Variants in PDE12 observed in about 807,000 individuals in gnomAD.
PDE12 encodes the protein 2',5'-phosphodiesterase 12.
Under a neutral mutation model 45.4 loss-of-function variants are expected in PDE12, and 26 were observed. That is an observed-to-expected ratio of 0.57 (90% CI 0.42 to 0.79). The LOEUF (loss-of-function observed/expected upper bound fraction) is 0.79. PDE12 is among the 30% of genes least tolerant of loss of function. PDE12 has a pLI of 0.00. For missense variants in PDE12, 668 were observed against 790.0 expected, an observed-to-expected ratio of 0.85 and a Z score of 1.85; for synonymous variants, 283 against 323.9, an observed-to-expected ratio of 0.87 and a Z score of 1.36.
the PDE12 span, among the ~76,000 whole-genome samples, chr3:57,643,234 T>C: frequency 6.6e-6 from 1 of 151,944 alleles, no homozygotes; most frequent in Non-Finnish European, 1.5e-5. Flanking sequence ...AAAGGAGAAA[T>C]TTATGACAAG....
At chr3:57,577,604 A>G in the PDE12 span, among the ~76,000 whole-genome samples, 6 of 152,220 alleles carry the variant, frequency 3.9e-5, no homozygotes, top group Admixed American at 3.3e-4. Context: ...TTTATTCTTC[A>G]CCAATTAATT....
chr3:57,578,676 C>T, the PDE12 span, among the ~76,000 whole-genome samples: 2 of 152,156 alleles, frequency 1.3e-5, no homozygotes, highest in African/African-American at 4.8e-5. Context: ...GATGGGGTTT[C>T]ACCACGTTGC....
chr3:57,651,223 G>C, the PDE12 span, among the ~76,000 whole-genome samples: 7 of 152,170 alleles, frequency 4.6e-5, no homozygotes. Context: ...ACATATGACA[G>C]ACTTACCTCC....
At chr3:57,616,428 C>G in the PDE12 span, among the ~76,000 whole-genome samples, 1 of 141,382 alleles carries the variant, frequency 7.1e-6, no homozygotes. Flanking sequence ...GAGGGAGGAG[C>G]AGGAGGAAGA....
chr3:57,618,979 TTAAA>T, the PDE12 span, among the ~76,000 whole-genome samples: 6 of 152,342 alleles, frequency 3.9e-5, no homozygotes, highest in East Asian at 1.2e-3. Flanking sequence ...ATTTAACGAA[TTAAA>T]TAATTTGATA....
downstream of PDE12, among the ~76,000 whole-genome samples, chr3:57,569,709 G>A (rs1178927743): frequency 6.6e-6 from 1 of 151,036 alleles, no homozygotes; most frequent in Non-Finnish European, 1.5e-5. Flanking sequence ...GCTCATGCCT[G>A]TAGTACCAGC....
At chr3:57,651,296 T>A in the PDE12 span, among the ~76,000 whole-genome samples, 1 of 152,300 alleles carries the variant, frequency 6.6e-6, no homozygotes, top group South Asian at 2.1e-4. Flanking sequence ...TTTGCAAACT[T>A]ACAATGGGTT....
chr3:57,581,539 G>C, the PDE12 span, among the ~76,000 whole-genome samples: 14 of 152,326 alleles, frequency 9.2e-5, no homozygotes, highest in East Asian at 2.3e-3. Context: ...AGTAGCTCAT[G>C]CCTGTAATCC....
chr3:57,641,778 A>C, the PDE12 span: 4 of 1,554,294 alleles, frequency 2.6e-6, no homozygotes, highest in South Asian at 1.1e-5. Flanking sequence ...CAAAATAAAA[A>C]AGGTGAGAAA....
rs928929164 is a variant in PDE12, at chr3:57,564,085, A to C, written c.*4081A>C. 1 of 152,134 alleles carries C rather than the reference A, an allele frequency of 6.6e-6. No homozygotes were observed. The highest frequency in any genetic ancestry group is 1.5e-5 in the Non-Finnish European group (1 of 68,026). 9.4% of individuals were successfully genotyped at this position (152,134 alleles called of 1,614,324 possible). A position where few individuals can be genotyped will look rare whatever the true frequency, so the allele number is the denominator to read the frequency against. ...ACTAACTTCAAAATAACCATACAGT[A>C]CTGCTTGTAATTTTTGTATTTTTAG... On this transcript the variant is annotated 3_prime_UTR_variant, in exon 3 of 3. Coordinates refer to ENST00000311180, the MANE Select transcript of PDE12 (RefSeq NM_177966.7).
the PDE12 span, chr3:57,633,262 T>C: frequency 6.2e-7 from 1 of 1,608,520 alleles, no homozygotes; most frequent in South Asian, 1.1e-5. Flanking sequence ...TTTATTAACT[T>C]ACTAATGGAA....
rs1179545909 is a variant in PDE12 at position 57,556,306 on chromosome 3, C to T, written c.-74C>T. 2.1e-6 allele frequency: 3 copies of T among 1,433,260 alleles called. No individual in the cohort carries two copies. The highest frequency in any genetic ancestry group is 2.5e-5 in the Admixed American group (1 of 39,378). The allele number at this position is 1,433,260 out of a possible 1,614,324, so 88.8% of individuals were successfully genotyped here. ...CTGAATGAGTCAAAGCCGGCGGCCT[C>T]GGCTCCTCAGCTCCACCTGACAGTA... On this transcript the variant is annotated 5_prime_UTR_variant, in exon 1 of 3. Coordinates refer to ENST00000311180, the MANE Select transcript of PDE12 (RefSeq NM_177966.7). The surrounding 1 kb of genome is among the most constrained non-coding windows in gnomAD (Gnocchi z 5.0).
chr3:57,558,424 T>C (rs1411529293), intron 1 of PDE12, among the ~76,000 whole-genome samples: 1 of 152,196 alleles, frequency 6.6e-6, no homozygotes, highest in Non-Finnish European at 1.5e-5. Flanking sequence ...TTGAAAACAC[T>C]TTCTCCAGTC....
the PDE12 span, among the ~76,000 whole-genome samples, chr3:57,628,602 T>G: frequency 6.6e-6 from 1 of 152,250 alleles, no homozygotes; most frequent in African/African-American, 2.4e-5. Flanking sequence ...TATTAGATTC[T>G]ATATACATAA....
the PDE12 span, among the ~76,000 whole-genome samples, chr3:57,632,167 G>A: frequency 1.3e-5 from 2 of 149,880 alleles, no homozygotes; most frequent in African/African-American, 4.9e-5. Context: ...CTACAGGTGC[G>A]TGCCACCATG....
At chr3:57,571,283 A>G (rs2069839938), downstream of PDE12, 1 of 152,320 alleles carries the variant, frequency 6.6e-6, no homozygotes. Flanking sequence ...TGTTCACAGT[A>G]CATAAAATAT....
Position 57,564,300 on chromosome 3 carries a change from C to G in PDE12, c.*4296C>G, listed in dbSNP as rs1027541413. Reference sequence around the variant, plus strand: ...TAAATCTGTTCACCTATCTGCTATGCTAGCAAATTCTGGGTTGTCAAAAAT... The same window carrying G: ...TAAATCTGTTCACCTATCTGCTATGGTAGCAAATTCTGGGTTGTCAAAAAT... On this transcript the variant is annotated 3_prime_UTR_variant, in exon 3 of 3. Coordinates refer to ENST00000311180, the MANE Select transcript of PDE12 (RefSeq NM_177966.7). The G allele has an allele frequency of 1.3e-5, 2 of 152,180 alleles. No individual in the cohort carries two copies. The highest frequency in any genetic ancestry group is 2.9e-5 in the Non-Finnish European group (2 of 68,028). The allele number at this position is 152,180 out of a possible 1,614,324, so 9.4% of individuals were successfully genotyped here. A position where few individuals can be genotyped will look rare whatever the true frequency, so the allele number is the denominator to read the frequency against.
chr3:57,586,022 G>A, the PDE12 span, among the ~76,000 whole-genome samples: 1 of 151,994 alleles, frequency 6.6e-6, no homozygotes, highest in African/African-American at 2.4e-5. Context: ...GTGTTTGCTT[G>A]TGAAAAAAAA....
At chr3:57,608,655 T>C in the PDE12 span, among the ~76,000 whole-genome samples, 1 of 151,954 alleles carries the variant, frequency 6.6e-6, no homozygotes, top group African/African-American at 2.4e-5. Context: ...CATTACATAA[T>C]GGTAAAGGGA....
Sources: gnomAD v4.1 joint callset for allele counts (sites outside exome capture counted in the v4.1 genomes callset) on GRCh38, gnomAD v4.1.1 for gene constraint, Gnocchi (gnomAD v3.1) non-coding constraint, MANE v1.5 for transcripts, NCBI Gene and HGNC (gene_info 2026-07-23, HGNC 2026-07-21) for gene names.